Variants in CHST8 observed in about 807,000 individuals in gnomAD.
CHST8 encodes the protein carbohydrate sulfotransferase 8.
A neutral mutation model predicts 15.0 loss-of-function variants in CHST8; 10 were observed. That is an observed-to-expected ratio of 0.67 (90% CI 0.41 to 1.13). The LOEUF (loss-of-function observed/expected upper bound fraction) is 1.13, where lower values mean the gene tolerates loss of function less well. Among genes scored for constraint, CHST8 ranks in the 50% most tolerant of loss-of-function variants. The pLI, the probability that CHST8 is intolerant of heterozygous loss-of-function variation, is 0.00. For synonymous variants in CHST8, 259 were observed against 256.6 expected (o/e 1.01, Z -0.09); for missense variants, 634 against 608.2 (o/e 1.04, Z -0.45).
chr19:33,648,502 C>T (rs551373820), intron 1 of CHST8, among the ~76,000 whole-genome samples: 4 of 152,066 alleles, frequency 2.6e-5, no homozygotes, highest in East Asian at 3.9e-4. Flanking sequence ...TCTTTTTTTC[C>T]GCTTAGCATA....
At chr19:33,680,796 A>G (rs1485224107) in intron 2 of CHST8, among the ~76,000 whole-genome samples, 1 of 152,206 alleles carries the variant, frequency 6.6e-6, no homozygotes, top group Non-Finnish European at 1.5e-5. Context: ...GGAAATGACT[A>G]TCTCTTATTT....
intron 3 of CHST8, among the ~76,000 whole-genome samples, chr19:33,748,512 C>T (rs1204071595): frequency 1.3e-5 from 2 of 152,252 alleles, no homozygotes; most frequent in African/African-American, 4.8e-5. Context: ...CTTCTGCTCA[C>T]AGCTTCTGCT....
At chr19:33,626,064 C>T (rs8112327) in intron 1 of CHST8, among the ~76,000 whole-genome samples, 69,403 of 151,876 alleles carry the variant, frequency 0.46, 16,295 homozygotes, top group Middle Eastern at 0.57. Flanking sequence ...AGGAAACCCA[C>T]GGACCCAGAC....
intron 2 of CHST8, among the ~76,000 whole-genome samples, chr19:33,678,197 G>A (rs1361584761): frequency 6.6e-6 from 1 of 152,210 alleles, no homozygotes; most frequent in Non-Finnish European, 1.5e-5. Context: ...AACACAGGAC[G>A]TTAGCTGGAA....
chr19:33,688,853 A>T (rs1043406591), intron 2 of CHST8, among the ~76,000 whole-genome samples: 31 of 152,064 alleles, frequency 2.0e-4, no homozygotes, highest in African/African-American at 7.5e-4. Context: ...TGGACAGTGC[A>T]GGGGGTGGCT....
At chr19:33,739,540 TC>T (rs1307115242) in intron 3 of CHST8, among the ~76,000 whole-genome samples, 1 of 152,236 alleles carries the variant, frequency 6.6e-6, no homozygotes, top group East Asian at 1.9e-4. Flanking sequence ...AGAAATTAAG[TC>T]ACTTATTTAC....
intron 3 of CHST8, among the ~76,000 whole-genome samples, chr19:33,743,154 T>G (rs1167218029): frequency 6.6e-6 from 1 of 152,170 alleles, no homozygotes; most frequent in African/African-American, 2.4e-5. Context: ...CTCTCACCAG[T>G]GTGTTCTATA....
chr19:33,645,970 T>TA (rs1032814328), intron 1 of CHST8, among the ~76,000 whole-genome samples: 4 of 151,686 alleles, frequency 2.6e-5, no homozygotes, highest in African/African-American at 9.7e-5. Context: ...CTACAGAAAA[T>TA]ACAAAAAATT....
chr19:33,773,192 G>A lies in CHST8; in HGVS notation c.*129G>A. On this transcript the variant is annotated 3_prime_UTR_variant, in exon 5 of 5. Transcript: ENST00000650847. ...AGGACGTGAGGAGCCATCGCTGTGG[G>A]AGGCAGCAGGCCCCGGGTGGGGGGC... The A allele has an allele frequency of 8.9e-7, 1 of 1,126,056 alleles. No homozygotes were observed. The highest frequency in any genetic ancestry group is 1.2e-6 in the Non-Finnish European group (1 of 818,068). 69.8% of individuals were successfully genotyped at this position (1,126,056 alleles called of 1,614,324 possible). A position where few individuals can be genotyped will look rare whatever the true frequency, so the allele number is the denominator to read the frequency against.
At chr19:33,672,928 G>A (rs759824) in intron 2 of CHST8, among the ~76,000 whole-genome samples, 23,667 of 152,230 alleles carry the variant, frequency 0.16, 2,195 homozygotes, top group Admixed American at 0.25. Context: ...GTGGGGTGAC[G>A]CTGTGGTTGA....
At chr19:33,700,065 G>A (rs940014967) in intron 3 of CHST8, among the ~76,000 whole-genome samples, 7 of 152,266 alleles carry the variant, frequency 4.6e-5, no homozygotes, top group South Asian at 2.1e-4. Context: ...GAGAGAGTCC[G>A]GTCCTCGCGC....
chr19:33,666,402 C>T (rs1972661453), intron 1 of CHST8, among the ~76,000 whole-genome samples: 1 of 152,178 alleles, frequency 6.6e-6, no homozygotes, highest in African/African-American at 2.4e-5. Flanking sequence ...CTGTCTGCCT[C>T]GCGTTTCTAG....
intron 3 of CHST8, among the ~76,000 whole-genome samples, chr19:33,718,985 T>C (rs1324495217): frequency 1.3e-5 from 2 of 152,110 alleles, no homozygotes; most frequent in Non-Finnish European, 2.9e-5. Context: ...TCTGGACTTG[T>C]TGGAGAGGTG....
chr19:33,768,841 G>A (rs1231631543), intron 3 of CHST8, among the ~76,000 whole-genome samples: 1 of 152,174 alleles, frequency 6.6e-6, no homozygotes, highest in African/African-American at 2.4e-5. Flanking sequence ...GTTGGGAATA[G>A]CTTATGGCAA....
At chr19:33,677,084 G>A (rs964001364) in intron 2 of CHST8, among the ~76,000 whole-genome samples, 1 of 152,046 alleles carries the variant, frequency 6.6e-6, no homozygotes, top group South Asian at 2.1e-4. Context: ...CTATAAAAAC[G>A]CCTGTCTTCA....
At chr19:33,641,632 C>T (rs1408657423) in intron 1 of CHST8, among the ~76,000 whole-genome samples, 1 of 152,002 alleles carries the variant, frequency 6.6e-6, no homozygotes, top group Non-Finnish European at 1.5e-5. Context: ...GAGAAGGAGC[C>T]TCAGATAGCC....
At chr19:33,627,406 C>A (rs1972069968) in intron 1 of CHST8, among the ~76,000 whole-genome samples, 2 of 152,130 alleles carry the variant, frequency 1.3e-5, no homozygotes, top group Admixed American at 1.3e-4. Flanking sequence ...GCCAGCACGC[C>A]CGACCCTTTT....
intron 3 of CHST8, among the ~76,000 whole-genome samples, chr19:33,730,218 G>A (rs768543267): frequency 3.9e-5 from 6 of 152,168 alleles, no homozygotes; most frequent in East Asian, 1.9e-4. Context: ...TGCCAATTCC[G>A]TGGGGACAGT....
At chr19:33,623,950 A>G (rs1972018633) in intron 1 of CHST8, among the ~76,000 whole-genome samples, 1 of 152,196 alleles carries the variant, frequency 6.6e-6, no homozygotes, top group Admixed American at 6.5e-5. Context: ...TGAGGGTCTG[A>G]ATGTTGGTTC....
Sources: gnomAD v4.1 joint callset for allele counts (sites outside exome capture counted in the v4.1 genomes callset) on GRCh38, gnomAD v4.1.1 for gene constraint, MANE v1.5 for transcripts, NCBI Gene and HGNC (gene_info 2026-07-23, HGNC 2026-07-21) for gene names.